Variants in METTL15 observed in about 807,000 individuals in gnomAD.
METTL15 encodes the protein 12S rRNA N(4)-cytidine methyltransferase METTL15.
Under a neutral mutation model 38.3 loss-of-function variants are expected in METTL15, and 34 were observed. That is an observed-to-expected ratio of 0.89 (90% CI 0.68 to 1.18). The LOEUF (loss-of-function observed/expected upper bound fraction) is 1.18, where lower values mean the gene tolerates loss of function less well. Ranked by LOEUF, METTL15 falls within the 50% of genes most tolerant of loss-of-function variation. The probability of loss-of-function intolerance (pLI) is 0.00; values close to 1 mark genes in which losing one functional copy is unlikely to be tolerated. For missense variants in METTL15, 438 were observed against 498.4 expected, an observed-to-expected ratio of 0.88 and a Z score of 1.15; for synonymous variants, 162 against 170.9, an observed-to-expected ratio of 0.95 and a Z score of 0.41.
intron 6 of METTL15, among the ~76,000 whole-genome samples, chr11:28,515,239 A>G (rs975044828): frequency 6.6e-6 from 1 of 152,218 alleles, no homozygotes; most frequent in Non-Finnish European, 1.5e-5. Flanking sequence ...CTTTAAGCTT[A>G]TCTTGGTGGC....
At chr11:28,167,989 T>A (rs924873064) in intron 3 of METTL15, among the ~76,000 whole-genome samples, 1 of 152,150 alleles carries the variant, frequency 6.6e-6, no homozygotes, top group Non-Finnish European at 1.5e-5. Flanking sequence ...CCATTTTTTT[T>A]AGAATTAAAA....
At chr11:28,386,758 T>C (rs932315967) in intron 5 of METTL15, among the ~76,000 whole-genome samples, 2 of 152,008 alleles carry the variant, frequency 1.3e-5, no homozygotes, top group Non-Finnish European at 2.9e-5. Flanking sequence ...CAACACATTG[T>C]ACATTCTTTA....
At chr11:28,174,437 T>A (rs942221030) in intron 3 of METTL15, among the ~76,000 whole-genome samples, 1 of 152,206 alleles carries the variant, frequency 6.6e-6, no homozygotes, top group Non-Finnish European at 1.5e-5. Context: ...TTTACTGTAA[T>A]ATGCAGCATT....
At chr11:28,438,633 G>A (rs184447567) in intron 6 of METTL15, among the ~76,000 whole-genome samples, 100 of 150,978 alleles carry the variant, frequency 6.6e-4, no homozygotes, top group Admixed American at 5.9e-3. Flanking sequence ...TGATATTGGC[G>A]GTCTATAGAT....
At chr11:28,418,770 A>C (rs1303172612) in intron 5 of METTL15, among the ~76,000 whole-genome samples, 3 of 152,180 alleles carry the variant, frequency 2.0e-5, no homozygotes, top group Non-Finnish European at 4.4e-5. Flanking sequence ...TGTGGCAATT[A>C]GGGCAGGCAA....
At chr11:28,308,003 A>G (rs1188370257) in intron 6 of METTL15, among the ~76,000 whole-genome samples, 1 of 151,992 alleles carries the variant, frequency 6.6e-6, no homozygotes, top group Admixed American at 6.6e-5. Flanking sequence ...ATGTTGCTAC[A>G]TTTGTCTAAC....
At chr11:28,222,803 CA>C (rs1321743294) in intron 4 of METTL15, among the ~76,000 whole-genome samples, 1 of 151,926 alleles carries the variant, frequency 6.6e-6, no homozygotes, top group East Asian at 1.9e-4. Context: ...TTTCTAACAG[CA>C]AATTTGAAAA....
intron 4 of METTL15, among the ~76,000 whole-genome samples, chr11:28,238,886 A>G (rs1330684423): frequency 2.0e-5 from 3 of 152,208 alleles, no homozygotes; most frequent in Admixed American, 1.3e-4. Flanking sequence ...GATTTTTCTT[A>G]GATAAACACA....
chr11:28,342,046 GA>G (rs750940365), intron 3 of METTL15, among the ~76,000 whole-genome samples: 1 of 152,082 alleles, frequency 6.6e-6, no homozygotes, highest in African/African-American at 2.4e-5. Context: ...TTCAATGTCT[GA>G]AAGGTGTAAA....
At chr11:28,268,191 C>A (rs1314510786) in intron 4 of METTL15, among the ~76,000 whole-genome samples, 1 of 69,884 alleles carries the variant, frequency 1.4e-5, no homozygotes, top group African/African-American at 5.4e-5. Flanking sequence ...AGCGAGACTC[C>A]GTCTCAAAAA....
intron 3 of METTL15, among the ~76,000 whole-genome samples, chr11:28,147,132 A>G (rs913317115): frequency 5.3e-5 from 8 of 151,894 alleles, no homozygotes; most frequent in Non-Finnish European, 1.0e-4. Flanking sequence ...AATACCTGAT[A>G]GGTTTCAGGC....
chr11:28,278,227 G>A (rs1855916869), intron 4 of METTL15, among the ~76,000 whole-genome samples: 1 of 152,102 alleles, frequency 6.6e-6, no homozygotes. Context: ...ACACACTGGG[G>A]CATTGGAATT....
intron 2 of METTL15, among the ~76,000 whole-genome samples, chr11:28,111,486 G>T (rs770111169): frequency 6.6e-6 from 1 of 152,064 alleles, no homozygotes; most frequent in Non-Finnish European, 1.5e-5. Context: ...ATTGGATGTC[G>T]GTTCCTTAAT....
intron 3 of METTL15, among the ~76,000 whole-genome samples, chr11:28,341,825 C>G (rs1405023825): frequency 6.6e-6 from 1 of 152,130 alleles, no homozygotes; most frequent in Admixed American, 6.6e-5. Flanking sequence ...TCTGTGTGGC[C>G]ATTTTGCAAT....
chr11:28,235,992 A>C (rs936237827), intron 4 of METTL15, among the ~76,000 whole-genome samples: 3 of 151,898 alleles, frequency 2.0e-5, no homozygotes, highest in Non-Finnish European at 4.4e-5. Context: ...TCAATACCTA[A>C]TTTATTGAGA....
intron 6 of METTL15, among the ~76,000 whole-genome samples, chr11:28,512,890 C>T (rs552659239): frequency 1.5e-3 from 232 of 152,286 alleles, no homozygotes; most frequent in African/African-American, 5.5e-3. Context: ...CATGCTGTCA[C>T]CTCTCACTAT....
intron 3 of METTL15, among the ~76,000 whole-genome samples, chr11:28,170,443 A>G (rs1850816964): frequency 6.6e-6 from 1 of 152,182 alleles, no homozygotes; most frequent in South Asian, 2.1e-4. Flanking sequence ...GGGTGAGTCC[A>G]TAAAGTGAAA....
intron 3 of METTL15, among the ~76,000 whole-genome samples, chr11:28,202,982 A>AC (rs1852171439): frequency 6.6e-6 from 1 of 151,846 alleles, no homozygotes. Flanking sequence ...TTGGATTAAA[A>AC]AAAAATTATC....
intron 6 of METTL15, among the ~76,000 whole-genome samples, chr11:28,430,754 G>T (rs568127852): frequency 9.1e-6 from 1 of 109,656 alleles, no homozygotes; most frequent in Non-Finnish European, 1.9e-5. Flanking sequence ...CTGGCCAGCC[G>T]CCCCGTCTGG....
Sources: gnomAD v4.1 joint callset for allele counts (sites outside exome capture counted in the v4.1 genomes callset) on GRCh38, gnomAD v4.1.1 for gene constraint, MANE v1.5 for transcripts, NCBI Gene and HGNC (gene_info 2026-07-23, HGNC 2026-07-21) for gene names.